Variants in DLG2 observed in about 807,000 individuals in gnomAD.
The protein encoded by DLG2 is disks large homolog 2.
In DLG2, 45 loss-of-function variants were observed where a neutral mutation model predicts 132.5. The ratio of observed to expected loss-of-function variants is 0.34; its 90% CI spans 0.27 to 0.44. The LOEUF (loss-of-function observed/expected upper bound fraction) is 0.44. Among genes scored for constraint, DLG2 ranks in the 20% least tolerant of loss-of-function variants. The pLI, the probability that DLG2 is intolerant of heterozygous loss-of-function variation, is 1.00. For synonymous variants in DLG2, 424 were observed against 419.6 expected, an observed-to-expected ratio of 1.01 and a Z score of -0.13; for missense variants, 1,045 against 1,196.9, an observed-to-expected ratio of 0.87 and a Z score of 1.87.
chr11:84,928,998 A>C (rs1447033256), intron 6 of DLG2, among the ~76,000 whole-genome samples: 1 of 124,740 alleles, frequency 8.0e-6, no homozygotes, highest in South Asian at 2.6e-4. Context: ...ATATATATAT[A>C]TATATATATA....
chr11:84,567,697 C>G (rs1290528212), intron 6 of DLG2, among the ~76,000 whole-genome samples: 2 of 152,194 alleles, frequency 1.3e-5, no homozygotes, highest in Non-Finnish European at 2.9e-5. Context: ...TGGTATCACA[C>G]AGGTCCTTAG....
At chr11:84,624,232 T>G (rs1027862265) in intron 6 of DLG2, among the ~76,000 whole-genome samples, 6 of 152,198 alleles carry the variant, frequency 3.9e-5, no homozygotes, top group Non-Finnish European at 2.9e-5. Context: ...TTTCCTGTTT[T>G]TCTTTTATAC....
intron 10 of DLG2, among the ~76,000 whole-genome samples, chr11:84,098,595 T>C (rs1349143532): frequency 6.6e-6 from 1 of 152,214 alleles, no homozygotes; most frequent in East Asian, 1.9e-4. Context: ...TGTATCCTTT[T>C]GATAATTATA....
At chr11:84,108,104 G>T (rs908205437) in intron 9 of DLG2, among the ~76,000 whole-genome samples, 1 of 152,092 alleles carries the variant, frequency 6.6e-6, no homozygotes, top group Non-Finnish European at 1.5e-5. Context: ...CGTAAGGGAA[G>T]ATACTCAGAC....
chr11:83,891,665 G>A (rs2069904912), intron 15 of DLG2, among the ~76,000 whole-genome samples: 1 of 152,144 alleles, frequency 6.6e-6, no homozygotes, highest in Non-Finnish European at 1.5e-5. Context: ...TCCTTACAGA[G>A]CCATTCTGTA....
intron 17 of DLG2, among the ~76,000 whole-genome samples, chr11:83,827,843 C>G (rs1466076934): frequency 6.6e-6 from 1 of 152,174 alleles, no homozygotes; most frequent in Non-Finnish European, 1.5e-5. Flanking sequence ...TGACTGCATG[C>G]TGAATGCCCT....
chr11:84,844,065 TTG>T (rs769383482), intron 6 of DLG2, among the ~76,000 whole-genome samples: 208 of 115,126 alleles, frequency 1.8e-3, no homozygotes, highest in South Asian at 0.01. Flanking sequence ...ATATATATGT[TTG>T]TGTGTGTGTG....
chr11:84,490,886 C>CGTGTGTGT (rs113318666), intron 7 of DLG2, among the ~76,000 whole-genome samples: 15,136 of 147,848 alleles, frequency 0.1, 1,350 homozygotes, highest in African/African-American at 0.24. Context: ...TGAATGGTTG[C>CGTGTGTGT]GTGTGTGTGT....
At chr11:84,589,579 A>T (rs2099538086) in intron 6 of DLG2, among the ~76,000 whole-genome samples, 1 of 152,212 alleles carries the variant, frequency 6.6e-6, no homozygotes, top group African/African-American at 2.4e-5. Context: ...ATTAAAAAAA[A>T]GAAATTTTAA....
intron 7 of DLG2, among the ~76,000 whole-genome samples, chr11:84,390,534 T>C (rs143773114): frequency 2.0e-5 from 3 of 152,192 alleles, no homozygotes; most frequent in East Asian, 3.9e-4. Context: ...GGAAAAACTG[T>C]ATGAGTTTCG....
At chr11:84,375,167 A>G (rs1233795598) in intron 7 of DLG2, among the ~76,000 whole-genome samples, 2 of 152,200 alleles carry the variant, frequency 1.3e-5, no homozygotes, top group African/African-American at 4.8e-5. Context: ...CACTTTTCAT[A>G]GTGGACTGTT....
intron 7 of DLG2, among the ~76,000 whole-genome samples, chr11:84,392,395 A>G (rs75433214): frequency 0.053 from 7,997 of 152,236 alleles, 709 homozygotes; most frequent in African/African-American, 0.18. Flanking sequence ...AGCATTAAAT[A>G]CTAGAACCCC....
chr11:85,008,780 T>G (rs572471826), intron 6 of DLG2, among the ~76,000 whole-genome samples: 1 of 152,094 alleles, frequency 6.6e-6, no homozygotes, highest in African/African-American at 2.4e-5. Context: ...TCCAGTGGAA[T>G]GGAGACTAAC....
chr11:85,299,577 A>G (rs969019918), intron 3 of DLG2, among the ~76,000 whole-genome samples: 23 of 152,114 alleles, frequency 1.5e-4, no homozygotes, highest in Non-Finnish European at 2.9e-5. Flanking sequence ...TCATTGGAAT[A>G]TATGTTTTAT....
At chr11:84,488,799 C>G (rs748869665) in intron 7 of DLG2, among the ~76,000 whole-genome samples, 18 of 152,098 alleles carry the variant, frequency 1.2e-4, no homozygotes, top group Non-Finnish European at 2.4e-4. Context: ...CTAATAAATA[C>G]TGTAGTTTAT....
At chr11:84,921,367 A>G (rs1186675745) in intron 6 of DLG2, among the ~76,000 whole-genome samples, 2 of 152,182 alleles carry the variant, frequency 1.3e-5, no homozygotes, top group African/African-American at 2.4e-5. Flanking sequence ...CTCAATTTCT[A>G]TCAATCAATA....
chr11:83,726,083 A>T (rs1277120069), intron 18 of DLG2, among the ~76,000 whole-genome samples: 1 of 152,222 alleles, frequency 6.6e-6, no homozygotes, highest in East Asian at 1.9e-4. Flanking sequence ...TGAGATGCAA[A>T]GTCATCTAAG....
At chr11:83,462,523 C>G (rs756265015) in intron 26 of DLG2, among the ~76,000 whole-genome samples, 8 of 152,126 alleles carry the variant, frequency 5.3e-5, no homozygotes, top group Non-Finnish European at 8.8e-5. Context: ...TCCTGACCAC[C>G]CTTTCTTGGA....
chr11:85,038,616 G>A (rs1362956346), intron 6 of DLG2, among the ~76,000 whole-genome samples: 1 of 152,044 alleles, frequency 6.6e-6, no homozygotes, highest in East Asian at 1.9e-4. Flanking sequence ...ATTATTGCTT[G>A]AGGACAGTGT....
Sources: allele counts gnomAD v4.1 joint callset (sites outside exome capture counted in the v4.1 genomes callset), GRCh38; gene constraint gnomAD v4.1.1; transcripts MANE v1.5; gene names NCBI Gene and HGNC (gene_info 2026-07-23, HGNC 2026-07-21).